The following MIPOL1 variants were observed in gnomAD, a reference collection of about 807,000 sequenced individuals.
The protein encoded by MIPOL1 is mirror-image polydactyly 1, also known as mirror-image polydactyly gene 1 protein.
In MIPOL1, 57 loss-of-function variants were observed where a neutral mutation model predicts 60.9. The ratio of observed to expected loss-of-function variants is 0.94; its 90% CI spans 0.76 to 1.17. The LOEUF is 1.17. Ranked by LOEUF, MIPOL1 falls within the 50% of genes most tolerant of loss-of-function variation. MIPOL1 has a pLI of 0.00. For synonymous variants in MIPOL1, 179 were observed against 168.8 expected, an observed-to-expected ratio of 1.06 and a Z score of -0.47; for missense variants, 551 against 511.6, an observed-to-expected ratio of 1.08 and a Z score of -0.74.
intron 11 of MIPOL1, among the ~76,000 whole-genome samples, chr14:37,440,199 A>T (rs752444552): frequency 6.6e-6 from 1 of 152,156 alleles, no homozygotes; most frequent in Non-Finnish European, 1.5e-5. Context: ...AAAACTTCCA[A>T]TTGTTTCATG....
At chr14:37,300,051 T>C (rs1322631045) in intron 7 of MIPOL1, among the ~76,000 whole-genome samples, 1 of 151,998 alleles carries the variant, frequency 6.6e-6, no homozygotes, top group African/African-American at 2.4e-5. Context: ...ATTTTCCTTA[T>C]GTCATTTGAA....
intron 1 of MIPOL1, among the ~76,000 whole-genome samples, chr14:37,239,583 G>T (rs956655894): frequency 1.3e-5 from 2 of 152,102 alleles, no homozygotes; most frequent in Non-Finnish European, 2.9e-5. Context: ...ATTTTAAGTT[G>T]CAGGAAGAAT....
Position 37,398,830 on chromosome 14 carries a change from G to A in MIPOL1, c.937-24025G>A, listed in dbSNP as rs530005396. Among the ~76,000 whole-genome samples, 4 of 152,254 alleles carry A rather than the reference G, an allele frequency of 2.6e-5. No homozygotes were observed. The South Asian group carries it at 6.2e-4, about 24-fold the overall frequency. On this transcript the variant is annotated intron_variant, in intron 10 of 12. Transcript: ENST00000684589. ...CTCCCAAAATTTACTTACATGTTAT[G>A]TACCCCAGAAAAGGCAGATAAATGA...
At chr14:37,518,039 A>T (rs2095383655) in intron 12 of MIPOL1, among the ~76,000 whole-genome samples, 1 of 152,230 alleles carries the variant, frequency 6.6e-6, no homozygotes, top group South Asian at 2.1e-4. Context: ...CTAACTGTAT[A>T]GCAAATTGAT....
intron 3 of MIPOL1, among the ~76,000 whole-genome samples, chr14:37,262,035 G>T (rs964477014): frequency 9.5e-5 from 13 of 136,182 alleles, no homozygotes; most frequent in African/African-American, 3.3e-4. Flanking sequence ...TCCTGATAAT[G>T]TTATGTGGGG....
intron 11 of MIPOL1, among the ~76,000 whole-genome samples, chr14:37,425,696 T>C (rs143335591): frequency 1.3e-4 from 20 of 152,322 alleles, no homozygotes; most frequent in African/African-American, 4.6e-4. Context: ...TGTTAAGATA[T>C]ATTTCTTTTT....
At chr14:37,404,218 G>T (rs1456198561) in intron 10 of MIPOL1, among the ~76,000 whole-genome samples, 2 of 152,000 alleles carry the variant, frequency 1.3e-5, no homozygotes, top group Non-Finnish European at 2.9e-5. Context: ...TTGTTTTGCT[G>T]ATTTCTTTGT....
chr14:37,546,760 G>A lies in MIPOL1; in HGVS notation c.1263-145G>A. The A allele has an allele frequency of 1.4e-5, 9 of 643,104 alleles. No individual in the cohort carries two copies. The South Asian group carries it at 1.7e-4, about 12-fold the overall frequency. The allele number at this position is 643,104 out of a possible 1,614,324, so 39.8% of individuals were successfully genotyped here. A position where few individuals can be genotyped will look rare whatever the true frequency, so the allele number is the denominator to read the frequency against. On this transcript the variant is annotated intron_variant, in intron 12 of 12. Transcript: ENST00000684589. ...CAAATACTTGGCACTCTGTAGCAGT[G>A]TCTCTCACAGTAATGCTTTGTTTCT...
At chr14:37,356,307 C>G (rs2091819283) in intron 9 of MIPOL1, among the ~76,000 whole-genome samples, 1 of 151,720 alleles carries the variant, frequency 6.6e-6, no homozygotes, top group Non-Finnish European at 1.5e-5. Context: ...CTGCTCTCTT[C>G]AAAGCTGTCA....
At chr14:37,421,209 T>C (rs1002952271) in intron 10 of MIPOL1, among the ~76,000 whole-genome samples, 1 of 152,274 alleles carries the variant, frequency 6.6e-6, no homozygotes, top group Middle Eastern at 3.4e-3. Flanking sequence ...ATTTTTGTTT[T>C]GTTGGTTGGT....
At chr14:37,367,816 G>T (rs2092523079) in intron 9 of MIPOL1, among the ~76,000 whole-genome samples, 1 of 151,932 alleles carries the variant, frequency 6.6e-6, no homozygotes, top group African/African-American at 2.4e-5. Context: ...TGTATCGTGA[G>T]TACACACGAT....
intron 1 of MIPOL1, among the ~76,000 whole-genome samples, chr14:37,199,952 G>A (rs1964962061): frequency 6.6e-6 from 1 of 152,198 alleles, no homozygotes; most frequent in South Asian, 2.1e-4. Context: ...TTCAGTGGCA[G>A]CTTGAGAATT....
chr14:37,204,014 C>T (rs1314921111), intron 1 of MIPOL1, among the ~76,000 whole-genome samples: 1 of 152,002 alleles, frequency 6.6e-6, no homozygotes, highest in African/African-American at 2.4e-5. Flanking sequence ...GATCTCCTGA[C>T]CACGTGGTCC....
intron 3 of MIPOL1, 106 bp from the exon 4 acceptor site, chr14:37,266,832 T>C (rs775129048): frequency 2.6e-5 from 19 of 733,334 alleles, no homozygotes; most frequent in African/African-American, 1.2e-4. Flanking sequence ...AGAAACTATA[T>C]GTTTAAAGCT....
intron 1 of MIPOL1, chr14:37,240,671 G>A (rs1278531491): frequency 6.6e-6 from 1 of 152,034 alleles, no homozygotes; most frequent in Non-Finnish European, 1.5e-5. Context: ...GAAAATCCTG[G>A]TATGCGATTA....
chr14:37,521,244 C>T (rs936877220), intron 12 of MIPOL1, among the ~76,000 whole-genome samples: 2 of 147,424 alleles, frequency 1.4e-5, no homozygotes, highest in Non-Finnish European at 3.0e-5. Context: ...GCCACATTTA[C>T]TTTTAAAATA....
chr14:37,218,235 C>T (rs1203529838), intron 1 of MIPOL1, among the ~76,000 whole-genome samples: 2 of 152,092 alleles, frequency 1.3e-5, no homozygotes, highest in Non-Finnish European at 2.9e-5. Flanking sequence ...GGCTGGAGTG[C>T]AGTGGCACAA....
chr14:37,405,815 A>C (rs1408936599), intron 10 of MIPOL1, among the ~76,000 whole-genome samples: 1 of 151,788 alleles, frequency 6.6e-6, no homozygotes, highest in East Asian at 1.9e-4. Flanking sequence ...TAATGTGTAC[A>C]TGCCAAAAAT....
intron 12 of MIPOL1, among the ~76,000 whole-genome samples, chr14:37,536,446 G>A (rs1231954862): frequency 6.6e-6 from 1 of 152,110 alleles, no homozygotes; most frequent in East Asian, 1.9e-4. Context: ...TTGAGTTAAA[G>A]CTTTGTACTG....
Sources: gnomAD v4.1 joint callset for allele counts (sites outside exome capture counted in the v4.1 genomes callset) on GRCh38, gnomAD v4.1.1 for gene constraint, MANE v1.5 for transcripts, NCBI Gene and HGNC (gene_info 2026-07-23, HGNC 2026-07-21) for gene names.